LRCH4: variants seen among roughly 807,000 people sequenced by gnomAD.
LRCH4 encodes leucine rich repeats and calponin homology domain containing 4.
Under a neutral mutation model 81.2 loss-of-function variants are expected in LRCH4, and 56 were observed. The ratio of observed to expected loss-of-function variants is 0.69; its 90% CI spans 0.56 to 0.86. LRCH4 has a LOEUF of 0.86. LRCH4 is among the 40% of genes least tolerant of loss of function. The pLI, the probability that LRCH4 is intolerant of heterozygous loss-of-function variation, is 0.00. For missense variants in LRCH4, 895 were observed against 922.8 expected, an observed-to-expected ratio of 0.97 and a Z score of 0.39; for synonymous variants, 442 against 409.7, an observed-to-expected ratio of 1.08 and a Z score of -0.95.
chr7:100,582,534 G>T lies in LRCH4; in HGVS notation c.221-75C>A, dbSNP rs946443675. On this transcript the variant is annotated intron_variant, in intron 1 of 17. Transcript: ENST00000310300. The surrounding 1 kb of genome is among the most constrained non-coding windows in gnomAD (Gnocchi z 5.0). ...CAGGACCTTCAGTCCCCCCAGAGCCGGCTGCCCACTCCCTCACCTCCACAC... is the reference window on the plus strand; with the variant it reads ...CAGGACCTTCAGTCCCCCCAGAGCCTGCTGCCCACTCCCTCACCTCCACAC... 6.8e-7 allele frequency: 1 copy of T among 1,460,948 alleles called. No individual in the cohort carries two copies. The highest frequency in any genetic ancestry group is 9.3e-7 in the Non-Finnish European group (1 of 1,077,336). The allele number at this position is 1,460,948 out of a possible 1,614,324, so 90.5% of individuals were successfully genotyped here. A position where few individuals can be genotyped will look rare whatever the true frequency, so the allele number is the denominator to read the frequency against.
chr7:100,577,109 G>A lies in LRCH4; in HGVS notation c.1341C>T (p.Ala447=), dbSNP rs1456633440. ...ACTTGTGCATGGCTTGAGTGGACAC[G>A]GCGGCGGCCCCTCCCACAACAGCCC... ...GLRAVVGGAA[A]VSTQAMHNGS... is the part of the protein sequence containing the mutation. The change falls in exon 12 of 18, where the codon GCC becomes GCT. Residue 447 remains alanine, a synonymous_variant. Transcript: ENST00000310300. This position sits in a 1 kb window ranked among gnomAD's most constrained non-coding sequence, Gnocchi z 6.7. The A allele has an allele frequency of 1.1e-5, 17 of 1,613,970 alleles. No homozygotes were observed. Among genetic ancestry groups the A allele is most frequent in the African/African-American group, 1.3e-5 (1 of 74,910 alleles).
chr7:100,584,769 G>A (rs578159527), intron 1 of LRCH4: 460 of 456,672 alleles, frequency 1.0e-3, no homozygotes, highest in Non-Finnish European at 1.8e-3. Flanking sequence ...TGCCAGTGCC[G>A]GCCTGAGTGT....
In LRCH4 at chr7:100,575,697, C is replaced by G; in HGVS notation, c.1854+8G>C. 1.9e-6 allele frequency: 3 copies of G among 1,614,128 alleles called. No homozygotes were observed. The highest frequency in any genetic ancestry group is 2.5e-6 in the Non-Finnish European group (3 of 1,179,954). ...ATGCCACCACTCTTTAGAAAGCAGC[C>G]CCCATACCTCAGGCACCCCCATTTT... On this transcript the variant is annotated splice_region_variant and intron_variant, in intron 17 of 17. Transcript: ENST00000310300. This position sits in a 1 kb window ranked among gnomAD's most constrained non-coding sequence, Gnocchi z 5.3.
At position 100,578,174 on chromosome 7, in the gene LRCH4, C is replaced by T; in HGVS notation, c.933G>A (p.Arg311=). 1.2e-6 allele frequency: 2 copies of T among 1,614,218 alleles called. No individual in the cohort carries two copies. Among genetic ancestry groups the T allele is most frequent in the Non-Finnish European group, 1.7e-6 (2 of 1,180,028 alleles). The change falls in exon 7 of 18, where the codon AGG becomes AGA. Residue 311 remains arginine (R), a synonymous_variant. Coordinates refer to ENST00000310300, the MANE Select transcript of LRCH4 (RefSeq NM_002319.5). This position sits in a 1 kb window ranked among gnomAD's most constrained non-coding sequence, Gnocchi z 5.7. ...ACGCCCTTACCTCATTTCCAGACCA[C>T]CTCTTGCTGCCACTATCAACGCTGT... ...GFHSVDSGSK[R]WSGNESTDEF... is the part of the protein sequence containing the mutation.
At chr7:100,576,805 CAG>C (rs753506857) in intron 13 of LRCH4, 28 bp from the exon 14 acceptor site, 2 of 1,562,948 alleles carry the variant, frequency 1.3e-6, no homozygotes, top group South Asian at 1.2e-5. Context: ...GACACAGCGA[CAG>C]GGGCAGGTGA....
In LRCH4 at chr7:100,577,957, G is replaced by A. The variant is rs1222309060; in HGVS notation, c.949-45C>T. The A allele has an allele frequency of 6.5e-7, 1 of 1,530,920 alleles. No homozygotes were observed. The highest frequency in any genetic ancestry group is 1.1e-5 in the South Asian group (1 of 88,592). 94.8% of individuals were successfully genotyped at this position (1,530,920 alleles called of 1,614,324 possible). On this transcript the variant is annotated intron_variant, in intron 7 of 17. Transcript: ENST00000310300. This position sits in a 1 kb window ranked among gnomAD's most constrained non-coding sequence, Gnocchi z 6.7. ...GATGGGAGATGGCCTCTCTGTACAT[G>A]GGGGCTCAGGACCTGGGGGGTCCTG... is the stretch of plus-strand genomic sequence containing the variant.
At position 100,577,594 on chromosome 7, in the gene LRCH4, C is replaced by CT; in HGVS notation, c.1117-37dup. 2 of 1,608,552 alleles carry CT rather than the reference C, an allele frequency of 1.2e-6. No homozygotes were observed. The highest frequency in any genetic ancestry group is 1.7e-6 in the Non-Finnish European group (2 of 1,177,230). ...AACAGCAGAGCAGCTGAGGGCAGGCCTGTGCCCACGCCTGCCCTGTCCCCT... is the reference window on the plus strand; with the variant it reads ...AACAGCAGAGCAGCTGAGGGCAGGCCTTGTGCCCACGCCTGCCCTGTCCCCT... On this transcript the variant is annotated intron_variant, in intron 9 of 17. Transcript: ENST00000310300. This position sits in a 1 kb window ranked among gnomAD's most constrained non-coding sequence, Gnocchi z 6.7.
In LRCH4 at chr7:100,574,272, C is replaced by T. The variant is rs1226042197; in HGVS notation, c.*835G>A. On this transcript the variant is annotated 3_prime_UTR_variant, in exon 18 of 18. Transcript: ENST00000310300. ...CACCCCTAAGGCCGGTCCAGCAGGGCGTGGACGACAGCAGCGATGTAGGGG... is the reference window on the plus strand; with the variant it reads ...CACCCCTAAGGCCGGTCCAGCAGGGTGTGGACGACAGCAGCGATGTAGGGG... The T allele has an allele frequency of 1.0e-5, 2 of 192,390 alleles. No homozygotes were observed. Among genetic ancestry groups the T allele is most frequent in the Non-Finnish European group, 2.3e-5 (2 of 88,824 alleles). 11.9% of individuals were successfully genotyped at this position (192,390 alleles called of 1,614,324 possible).
chr7:100,584,317 T>G lies in LRCH4; in HGVS notation c.220+1564A>C, dbSNP rs1584411896. The G allele has an allele frequency of 1.1e-5, 5 of 443,492 alleles. No homozygotes were observed. In the Admixed American group the frequency reaches 1.2e-4, roughly 11 times the overall value. The allele number at this position is 443,492 out of a possible 1,614,324, so 27.5% of individuals were successfully genotyped here. A position where few individuals can be genotyped will look rare whatever the true frequency, so the allele number is the denominator to read the frequency against. Reference sequence around the variant, plus strand: ...CACTTGGCCTAGAACCTGGGCCCTGTGTAGAGAGTGGGGCAGAGGAGGGTT... The same window carrying G: ...CACTTGGCCTAGAACCTGGGCCCTGGGTAGAGAGTGGGGCAGAGGAGGGTT... On this transcript the variant is annotated intron_variant, in intron 1 of 17. Transcript: ENST00000310300.
chr7:100,574,626 G>GCACACACACACACACACA lies in LRCH4; in HGVS notation c.*480_*481insTGTGTGTGTGTGTGTGTG, dbSNP rs1225489366. 2.2e-5 allele frequency: 3 copies of GCACACACACACACACACA among 133,800 alleles called. No homozygotes were observed. Among genetic ancestry groups the GCACACACACACACACACA allele is most frequent in the African/African-American group, 9.2e-5 (3 of 32,594 alleles). 8.3% of individuals were successfully genotyped at this position (133,800 alleles called of 1,614,324 possible). On this transcript the variant is annotated 3_prime_UTR_variant, in exon 18 of 18. Coordinates refer to ENST00000310300, the MANE Select transcript of LRCH4 (RefSeq NM_002319.5). ...ACCAACACGCGGAGCAGACGCGCGCGCGCGCGCACACACACACACACAGGC... is the reference window on the plus strand; with the variant it reads ...ACCAACACGCGGAGCAGACGCGCGCGCACACACACACACACACACGCGCGCACACACACACACACAGGC...
Position 100,586,116 on chromosome 7 carries a change from C to T in LRCH4, c.-16G>A. ...CCGCCGCCATCCGCTCCCGGCGGCT[C>T]CCGCTGCCTGACTGACGGGACCGGC... is the stretch of plus-strand genomic sequence containing the variant. On this transcript the variant is annotated 5_prime_UTR_variant, in exon 1 of 18. Transcript: ENST00000310300. The T allele has an allele frequency of 6.6e-7, 1 of 1,507,726 alleles. No individual in the cohort carries two copies. Among genetic ancestry groups the T allele is most frequent in the Non-Finnish European group, 8.9e-7 (1 of 1,123,942 alleles). 93.4% of individuals were successfully genotyped at this position (1,507,726 alleles called of 1,614,324 possible).
Position 100,585,877 on chromosome 7 carries a change from T to C in LRCH4, c.220+4A>G. On this transcript the variant is annotated splice_donor_region_variant and intron_variant, in intron 1 of 17. Coordinates refer to ENST00000310300, the MANE Select transcript of LRCH4 (RefSeq NM_002319.5). ...GGTTGGGCCCGGGGCCCGGCTGCACTCACCAGCCTGGGTGATGTCTGACAG... is the reference window on the plus strand; with the variant it reads ...GGTTGGGCCCGGGGCCCGGCTGCACCCACCAGCCTGGGTGATGTCTGACAG... The C allele has an allele frequency of 6.3e-7, 1 of 1,593,252 alleles. No homozygotes were observed. The highest frequency in any genetic ancestry group is 8.6e-7 in the Non-Finnish European group (1 of 1,167,252).
Position 100,576,013 on chromosome 7 carries a change from C to A in LRCH4, c.1639-5G>T, listed in dbSNP as rs187358095. On this transcript the variant is annotated splice_polypyrimidine_tract_variant and splice_region_variant and intron_variant, in intron 15 of 17. Coordinates refer to ENST00000310300, the MANE Select transcript of LRCH4 (RefSeq NM_002319.5). The stretch of plus-strand genomic sequence containing the variant: ...CTGCAGCCGGGACTCAAGGACCTGG[C>A]AGTGTAGACCACATAGAGCAGGGGT... The A allele has an allele frequency of 8.0e-3, 12,806 of 1,599,872 alleles. 78 individuals are homozygous for A. The highest frequency in any genetic ancestry group is 0.02 in the Admixed American group (1,198 of 59,114).
At chr7:100,581,556 G>A (rs1275018485) in intron 4 of LRCH4, 6 of 499,484 alleles carry the variant, frequency 1.2e-5, no homozygotes, top group Admixed American at 3.6e-5. Flanking sequence ...CTCCGCCATC[G>A]GAGAGTACCA....
At position 100,575,058 on chromosome 7, in the gene LRCH4, TATAA is replaced by T. The variant is rs1801300049; in HGVS notation, c.*45_*48del. On this transcript the variant is annotated 3_prime_UTR_variant, in exon 18 of 18. Transcript: ENST00000310300. The surrounding 1 kb of genome is among the most constrained non-coding windows in gnomAD (Gnocchi z 5.3). ...GTGGGGTCGGGTGGAGCAGGGACCT[TATAA>T]ATAGAGAGGAAGGGAAAGGGGTGAG... 5.2e-6 allele frequency: 8 copies of T among 1,543,804 alleles called. No homozygotes were observed. Among genetic ancestry groups the T allele is most frequent in the Non-Finnish European group, 7.0e-6 (8 of 1,137,696 alleles).
At position 100,582,014 on chromosome 7, in the gene LRCH4, C is replaced by T. The variant is rs1336040414; in HGVS notation, c.492+27G>A. The T allele has an allele frequency of 6.2e-7, 1 of 1,601,274 alleles. No homozygotes were observed. The highest frequency in any genetic ancestry group is 8.5e-7 in the Non-Finnish European group (1 of 1,173,396). Reference sequence around the variant, plus strand: ...GTCCCGCTGCCTGGCTCAGGGGTCCCTTTCCTGGTCCCGTCCCCATCCTCA... The same window carrying T: ...GTCCCGCTGCCTGGCTCAGGGGTCCTTTTCCTGGTCCCGTCCCCATCCTCA... On this transcript the variant is annotated intron_variant, in intron 3 of 17. Transcript: ENST00000310300. The surrounding 1 kb of genome is among the most constrained non-coding windows in gnomAD (Gnocchi z 5.0).
Position 100,582,369 on chromosome 7 carries a change from C to T in LRCH4, c.311G>A (p.Arg104Lys), listed in dbSNP as rs769644731. ...EGLSLYHNCL[R>K]CLNPALGNLT... ...ATTCCCCAAGGCTGGGTTCAGGCAT[C>T]TCAGGCAATTGTGGTAGAGGCTCAG... is the stretch of plus-strand genomic sequence containing the variant. The change falls in exon 2 of 18, where the codon AGA becomes AAA. Residue 104 changes from arginine (R) to lysine (K), a missense_variant. Arg to Lys is a conservative substitution (Grantham distance 26, BLOSUM62 2). This residue lies in a region of LRCH4 where 360 missense variants were observed against 397.0 expected (regional missense o/e 0.91). Coordinates refer to ENST00000310300, the MANE Select transcript of LRCH4 (RefSeq NM_002319.5). This position sits in a 1 kb window ranked among gnomAD's most constrained non-coding sequence, Gnocchi z 5.0. 1 of 1,614,138 alleles carries T rather than the reference C, an allele frequency of 6.2e-7. No individual in the cohort carries two copies.
Position 100,578,468 on chromosome 7 carries a change from G to A in LRCH4, c.779C>T (p.Thr260Ile), listed in dbSNP as rs563982959. The change falls in exon 6 of 18, where the codon ACA becomes ATA. Residue 260 changes from threonine (T) to isoleucine (I), a missense_variant. Thr to Ile is a moderately conservative substitution (Grantham distance 89, BLOSUM62 -1). Around this residue, in one of 3 missense-constraint regions of LRCH4, gnomAD observed 360 missense variants for 397.0 expected, o/e 0.91. Coordinates refer to ENST00000310300, the MANE Select transcript of LRCH4 (RefSeq NM_002319.5). This position sits in a 1 kb window ranked among gnomAD's most constrained non-coding sequence, Gnocchi z 5.7. The stretch of plus-strand genomic sequence containing the variant: ...GGCCGACCCACGCTGCCCGGCCTCT[G>A]TGGACAAATACTTGAAGATGTGAAG... ...GKLHIFKYLSTEAGQRGSALG... is the reference protein window; with the variant it reads ...GKLHIFKYLSIEAGQRGSALG... The A allele has an allele frequency of 1.1e-5, 18 of 1,614,102 alleles. No individual in the cohort carries two copies. The South Asian group carries it at 2.0e-4, about 18-fold the overall frequency.
rs1801635736 is a variant in LRCH4 at position 100,583,865 on chromosome 7, G to A, written c.221-1406C>T. On this transcript the variant is annotated intron_variant, in intron 1 of 17. Coordinates refer to ENST00000310300, the MANE Select transcript of LRCH4 (RefSeq NM_002319.5). The surrounding 1 kb of genome is among the most constrained non-coding windows in gnomAD (Gnocchi z 4.3). ...GAAGGGGGTGGAGACCGAGTTCTCA[G>A]AGTTCTGATGGGGTAGGCGGTGGCG... 3.5e-6 allele frequency: 1 copy of A among 285,416 alleles called. No homozygotes were observed. The highest frequency in any genetic ancestry group is 3.1e-5 in the South Asian group (1 of 32,736). The allele number at this position is 285,416 out of a possible 1,614,324, so 17.7% of individuals were successfully genotyped here.
Sources: allele counts gnomAD v4.1 joint callset, GRCh38; gene constraint gnomAD v4.1.1; regional missense constraint gnomAD v4.1.1; non-coding constraint Gnocchi (gnomAD v3.1); transcripts MANE v1.5; gene names NCBI Gene and HGNC (gene_info 2026-07-23, HGNC 2026-07-21).